Variants in ZNF718 observed in about 807,000 individuals in gnomAD.
ZNF718 encodes zinc finger protein 718.
A neutral mutation model predicts 2.6 loss-of-function variants in ZNF718; 3 were observed. That is an observed-to-expected ratio of 1.16 (90% CI 0.53 to 3.01). ZNF718 has a LOEUF of 3.01. ZNF718 is among the 30% of genes most tolerant of loss of function. The pLI, the probability that ZNF718 is intolerant of heterozygous loss-of-function variation, is 0.03. For synonymous variants in ZNF718, 135 were observed against 77.9 expected (o/e 1.73, Z -3.86); for missense variants, 468 against 230.0 (o/e 2.03, Z -6.69).
chr4:186,886 T>A (rs1717576823), intron 3 of ZNF718, among the ~76,000 whole-genome samples: 1 of 152,100 alleles, frequency 6.6e-6, no homozygotes, highest in Admixed American at 6.5e-5. Flanking sequence ...TGTATTCACA[T>A]CCTGAAGCCT....
At chr4:124,767 C>T (rs1448819604) in intron 1 of ZNF718, 94 bp downstream of exon 1, 2 of 1,527,698 alleles carry the variant, frequency 1.3e-6, no homozygotes, top group East Asian at 4.5e-5. Context: ...GAATGGAGTT[C>T]CCGCTCAGCC....
chr4:124,716 A>T, intron 1 of ZNF718, 43 bp downstream of exon 1: 6 of 1,605,900 alleles, frequency 3.7e-6, no homozygotes, highest in Non-Finnish European at 5.1e-6. Context: ...TGGAGGCCTC[A>T]TCGGAACCGG....
At chr4:147,805 A>G (rs561457591) in intron 3 of ZNF718, among the ~76,000 whole-genome samples, 1 of 152,274 alleles carries the variant, frequency 6.6e-6, no homozygotes, top group South Asian at 2.1e-4. Flanking sequence ...TGGAGGTTGC[A>G]CGGAGCTGAG....
At chr4:188,043 A>G (rs6817633) in intron 3 of ZNF718, among the ~76,000 whole-genome samples, 35,550 of 152,196 alleles carry the variant, frequency 0.23, 4,503 homozygotes, top group Non-Finnish European at 0.29. Flanking sequence ...CAAAACAGCC[A>G]TTCCATGCTG....
chr4:148,263 CCCTGGACTTTGGTTG>C (rs2108793097), intron 3 of ZNF718, among the ~76,000 whole-genome samples: 1 of 152,110 alleles, frequency 6.6e-6, no homozygotes, highest in African/African-American at 2.4e-5. Flanking sequence ...GAAAAACTGC[CCCTGGACTTTGGTTG>C]CATGGACTCG....
intron 3 of ZNF718, among the ~76,000 whole-genome samples, chr4:194,242 T>C (rs61794969): frequency 0.13 from 19,641 of 152,244 alleles, 1,713 homozygotes; most frequent in Admixed American, 0.24. Flanking sequence ...TGGCCCTCAA[T>C]AGAGTCAGGT....
At chr4:166,264 G>A (rs530524185), downstream of ZNF718, among the ~76,000 whole-genome samples, 55 of 152,262 alleles carry the variant, frequency 3.6e-4, no homozygotes, top group Middle Eastern at 3.4e-3. Flanking sequence ...GGACATTTGG[G>A]TTGGTTCCAA....
intron 3 of ZNF718, among the ~76,000 whole-genome samples, chr4:173,851 C>T (rs1717293870): frequency 6.6e-6 from 1 of 152,164 alleles, no homozygotes; most frequent in African/African-American, 2.4e-5. Flanking sequence ...TTTTACCTAA[C>T]AGTGCAGCTA....
intron 1 of ZNF718, among the ~76,000 whole-genome samples, chr4:126,031 C>G (rs1261989968): frequency 6.6e-6 from 1 of 152,342 alleles, no homozygotes; most frequent in Non-Finnish European, 1.5e-5. Flanking sequence ...CTGCCTGGGC[C>G]TGTACCTGTA....
At chr4:147,162 G>A (rs782502197) in intron 3 of ZNF718, among the ~76,000 whole-genome samples, 6 of 152,016 alleles carry the variant, frequency 3.9e-5, no homozygotes, top group South Asian at 2.1e-4. Flanking sequence ...GTAGAAAGAG[G>A]CTTTCACCAT....
intron 3 of ZNF718, among the ~76,000 whole-genome samples, chr4:181,161 T>TTC (rs1553819762): frequency 7.4e-6 from 1 of 134,598 alleles, no homozygotes; most frequent in East Asian, 2.1e-4. Flanking sequence ...TGCCCAGCTT[T>TTC]TTTTTTTTTT....
chr4:145,248 T>C (rs1715998779), intron 3 of ZNF718, among the ~76,000 whole-genome samples: 1 of 152,204 alleles, frequency 6.6e-6, no homozygotes, highest in Non-Finnish European at 1.5e-5. Flanking sequence ...TGAGAACTTA[T>C]TACTGCCATT....
downstream of ZNF718, among the ~76,000 whole-genome samples, chr4:167,947 T>C (rs1337484772): frequency 6.6e-6 from 1 of 152,204 alleles, no homozygotes; most frequent in Non-Finnish European, 1.5e-5. Context: ...AAGGGAATGC[T>C]TCCCTTTTTT....
At chr4:153,222 C>T (rs1418710559) in intron 3 of ZNF718, among the ~76,000 whole-genome samples, 2 of 151,956 alleles carry the variant, frequency 1.3e-5, no homozygotes, top group South Asian at 4.1e-4. Context: ...TTTAAAATCC[C>T]TTGGCTCTAG....
chr4:174,297 T>C (rs1175320617), intron 3 of ZNF718, among the ~76,000 whole-genome samples: 1 of 152,184 alleles, frequency 6.6e-6, no homozygotes, highest in East Asian at 1.9e-4. Flanking sequence ...GTGGCCCTTA[T>C]TCCAAATTTG....
intron 3 of ZNF718, among the ~76,000 whole-genome samples, chr4:146,320 C>A (rs556873973): frequency 6.6e-6 from 1 of 151,858 alleles, no homozygotes; most frequent in Admixed American, 6.6e-5. Flanking sequence ...AACGTTTTTT[C>A]TTTTTCTCTG....
chr4:165,775 G>A (rs1436547780), downstream of ZNF718, among the ~76,000 whole-genome samples: 3 of 152,164 alleles, frequency 2.0e-5, no homozygotes, highest in Non-Finnish European at 2.9e-5. Flanking sequence ...CTCCAGCCTG[G>A]GTGACAGAGT....
intron 3 of ZNF718, among the ~76,000 whole-genome samples, chr4:195,407 G>A (rs1313030375): frequency 1.3e-5 from 2 of 152,244 alleles, no homozygotes; most frequent in South Asian, 2.1e-4. Flanking sequence ...CTGTTGTCCT[G>A]TCCTGAAGGG....
chr4:134,093 C>T (rs781859578), intron 3 of ZNF718, among the ~76,000 whole-genome samples: 1 of 152,126 alleles, frequency 6.6e-6, no homozygotes, highest in East Asian at 1.9e-4. Context: ...CCGTATTTTC[C>T]ACCCTCAGGC....
Sources: allele counts gnomAD v4.1 joint callset (sites outside exome capture counted in the v4.1 genomes callset), GRCh38; gene constraint gnomAD v4.1.1; transcripts MANE v1.5; gene names NCBI Gene and HGNC (gene_info 2026-07-23, HGNC 2026-07-21).